The following DLGAP2 variants were observed in gnomAD, a reference collection of about 807,000 sequenced individuals.
The protein encoded by DLGAP2 is DLG associated protein 2.
In DLGAP2, 26 loss-of-function variants were observed where a neutral mutation model predicts 100.3. The ratio of observed to expected loss-of-function variants is 0.26; its 90% CI spans 0.19 to 0.36. DLGAP2 has a LOEUF of 0.36. DLGAP2 is among the 10% of genes least tolerant of loss of function. The pLI is 1.00. For synonymous variants in DLGAP2, 886 were observed against 630.1 expected, an observed-to-expected ratio of 1.41 and a Z score of -6.08; for missense variants, 1,858 against 1,453.2, an observed-to-expected ratio of 1.28 and a Z score of -4.53.
At chr8:1,698,644 C>T (rs1279442604) in intron 14 of DLGAP2, among the ~76,000 whole-genome samples, 1 of 151,146 alleles carries the variant, frequency 6.6e-6, no homozygotes, top group Non-Finnish European at 1.5e-5. Flanking sequence ...CTAGACAGGT[C>T]CAAGTAAGCC....
At chr8:1,634,041 C>T (rs1035498094) in intron 8 of DLGAP2, among the ~76,000 whole-genome samples, 4 of 152,140 alleles carry the variant, frequency 2.6e-5, no homozygotes, top group African/African-American at 7.2e-5. Flanking sequence ...TTGCAGTCGG[C>T]ACTATCATTG....
intron 1 of DLGAP2, among the ~76,000 whole-genome samples, chr8:759,194 C>CTTCCCATTATCAATACCCCTGACAGCT (rs1821007401): frequency 7.6e-6 from 1 of 132,408 alleles, no homozygotes; most frequent in African/African-American, 2.8e-5. Context: ...CCCCGACAGC[C>CTTCCCATTATCAATACCCCTGACAGCT]TTCCCATTAT....
intron 3 of DLGAP2, among the ~76,000 whole-genome samples, chr8:1,365,990 C>G (rs1287933647): frequency 6.6e-6 from 1 of 152,232 alleles, no homozygotes; most frequent in Non-Finnish European, 1.5e-5. Flanking sequence ...CTTGGGAAAC[C>G]TCCCCTCACG....
intron 2 of DLGAP2, among the ~76,000 whole-genome samples, chr8:973,223 A>G (rs1294562494): frequency 1.0e-4 from 15 of 147,546 alleles, no homozygotes; most frequent in South Asian, 6.7e-4. Context: ...CCTCCCTCCC[A>G]GACGGGGCGG....
chr8:946,365 A>C (rs994393971), intron 2 of DLGAP2, among the ~76,000 whole-genome samples: 1 of 150,298 alleles, frequency 6.7e-6, no homozygotes, highest in Non-Finnish European at 1.5e-5. Context: ...CCGGGTTCAC[A>C]CCATTCTTCT....
At chr8:895,651 T>G (rs1356174498) in intron 1 of DLGAP2, among the ~76,000 whole-genome samples, 3 of 152,166 alleles carry the variant, frequency 2.0e-5, no homozygotes, top group Non-Finnish European at 4.4e-5. Flanking sequence ...TGACTTAGGG[T>G]TCACGAGGTT....
intron 6 of DLGAP2, among the ~76,000 whole-genome samples, chr8:1,608,630 G>T (rs374551247): frequency 8.2e-5 from 11 of 133,424 alleles, no homozygotes; most frequent in African/African-American, 2.2e-4. Context: ...GCAAAGAAGT[G>T]GAAAACTTTG....
intron 3 of DLGAP2, among the ~76,000 whole-genome samples, chr8:1,355,204 C>T (rs1024071586): frequency 1.3e-5 from 2 of 152,242 alleles, no homozygotes; most frequent in African/African-American, 4.8e-5. Context: ...AGTGGTGGCA[C>T]CCGCGTGCTG....
intron 1 of DLGAP2, among the ~76,000 whole-genome samples, chr8:836,328 C>A (rs781349165): frequency 2.0e-5 from 3 of 152,176 alleles, no homozygotes; most frequent in African/African-American, 7.2e-5. Context: ...GAGAAGATAT[C>A]GGCTTGGTCC....
At chr8:968,414 T>C (rs1799933666) in intron 2 of DLGAP2, among the ~76,000 whole-genome samples, 1 of 152,092 alleles carries the variant, frequency 6.6e-6, no homozygotes, top group African/African-American at 2.4e-5. Context: ...TGTGGAGGTG[T>C]TCACAGGAAG....
At chr8:849,026 A>T (rs1405125610) in intron 1 of DLGAP2, among the ~76,000 whole-genome samples, 4 of 146,320 alleles carry the variant, frequency 2.7e-5, no homozygotes, top group Non-Finnish European at 6.0e-5. Context: ...CAGTATAGGA[A>T]TGTGCGGTGC....
At chr8:839,058 T>A (rs939572892) in intron 1 of DLGAP2, among the ~76,000 whole-genome samples, 1 of 152,152 alleles carries the variant, frequency 6.6e-6, no homozygotes, top group Admixed American at 6.6e-5. Context: ...CCTGTTAGGA[T>A]GGCTGTTACT....
chr8:1,683,077 A>G (rs938110087), intron 12 of DLGAP2, among the ~76,000 whole-genome samples: 2 of 151,672 alleles, frequency 1.3e-5, no homozygotes, highest in African/African-American at 4.8e-5. Context: ...TGAGTAAGAC[A>G]TGGTAAAGGA....
intron 11 of DLGAP2, among the ~76,000 whole-genome samples, chr8:1,677,127 T>TTGTC (rs1798829736): frequency 6.6e-6 from 1 of 152,224 alleles, no homozygotes; most frequent in East Asian, 1.9e-4. Flanking sequence ...ATAGCATGTA[T>TTGTC]TGTCTATTTC....
At chr8:1,562,022 A>G (rs1218580183) in intron 5 of DLGAP2, among the ~76,000 whole-genome samples, 1 of 28,592 alleles carries the variant, frequency 3.5e-5, no homozygotes, top group Non-Finnish European at 6.2e-5. Flanking sequence ...TTACTGGGGG[A>G]CTGTGTGGTG....
At chr8:1,698,718 G>A (rs1176959283) in intron 14 of DLGAP2, among the ~76,000 whole-genome samples, 5 of 151,756 alleles carry the variant, frequency 3.3e-5, no homozygotes, top group Non-Finnish European at 7.4e-5. Context: ...AGCCATGCAT[G>A]GGACAGGTCC....
chr8:1,325,601 A>T (rs766054998), intron 3 of DLGAP2, among the ~76,000 whole-genome samples: 2 of 152,228 alleles, frequency 1.3e-5, no homozygotes, highest in African/African-American at 4.8e-5. Flanking sequence ...ATCTCCCCTG[A>T]AAGGATTAAG....
At chr8:909,747 A>C (rs113230264) in intron 2 of DLGAP2, among the ~76,000 whole-genome samples, 3,181 of 152,240 alleles carry the variant, frequency 0.021, 109 homozygotes, top group African/African-American at 0.072. Context: ...CAGAGAAGAG[A>C]GAGGTGTTGG....
At chr8:1,307,818 A>G (rs1400551663) in intron 3 of DLGAP2, among the ~76,000 whole-genome samples, 1 of 152,190 alleles carries the variant, frequency 6.6e-6, no homozygotes. Context: ...AAGCAGTCGA[A>G]TTCATAAAGA....
Sources: gnomAD v4.1 joint callset for allele counts (sites outside exome capture counted in the v4.1 genomes callset) on GRCh38, gnomAD v4.1.1 for gene constraint, MANE v1.5 for transcripts, NCBI Gene and HGNC (gene_info 2026-07-23, HGNC 2026-07-21) for gene names.